The following NUBPL variants were observed in gnomAD, a reference collection of about 807,000 sequenced individuals.
NUBPL encodes the protein iron-sulfur cluster transfer protein NUBPL.
Under a neutral mutation model 45.7 loss-of-function variants are expected in NUBPL, and 31 were observed. The observed-to-expected ratio is 0.68, with a 90% CI of 0.51 to 0.92. NUBPL has a LOEUF of 0.92. NUBPL is among the 40% of genes least tolerant of loss of function. The probability of loss-of-function intolerance (pLI) is 0.00; values close to 1 mark genes in which losing one functional copy is unlikely to be tolerated. For synonymous variants in NUBPL, 144 were observed against 140.9 expected (o/e 1.02, Z -0.15); for missense variants, 401 against 398.7 (o/e 1.01, Z -0.05).
chr14:31,586,887 A>G (rs1398897330), intron 3 of NUBPL, among the ~76,000 whole-genome samples: 1 of 152,176 alleles, frequency 6.6e-6, no homozygotes, highest in Non-Finnish European at 1.5e-5. Context: ...TGGTGATGCC[A>G]TTTTCCAAAA....
At chr14:31,666,007 T>C (rs2036401330) in intron 4 of NUBPL, among the ~76,000 whole-genome samples, 1 of 151,854 alleles carries the variant, frequency 6.6e-6, no homozygotes, top group Non-Finnish European at 1.5e-5. Context: ...TTTTGATCTT[T>C]GTTGGTTTAA....
At chr14:31,570,953 C>G (rs1165491287) in intron 3 of NUBPL, among the ~76,000 whole-genome samples, 1 of 152,236 alleles carries the variant, frequency 6.6e-6, no homozygotes, top group African/African-American at 2.4e-5. Context: ...CTCCCTTGCT[C>G]AGAGTCATAG....
intron 10 of NUBPL, among the ~76,000 whole-genome samples, chr14:31,853,694 T>G (rs1413005625): frequency 6.6e-6 from 1 of 152,224 alleles, no homozygotes; most frequent in Admixed American, 6.5e-5. Flanking sequence ...TAAAAAGTAC[T>G]AATAGTCTGC....
At chr14:31,628,751 G>A (rs562481343) in intron 4 of NUBPL, among the ~76,000 whole-genome samples, 4 of 152,268 alleles carry the variant, frequency 2.6e-5, no homozygotes, top group Non-Finnish European at 4.4e-5. Flanking sequence ...TTGTAATTCA[G>A]TATGTAGCAG....
chr14:31,834,061 C>A (rs2040234474), intron 8 of NUBPL, among the ~76,000 whole-genome samples: 1 of 151,614 alleles, frequency 6.6e-6, no homozygotes, highest in Non-Finnish European at 1.5e-5. Flanking sequence ...AATTGTATAA[C>A]TATTTTACTC....
At chr14:31,817,788 A>G (rs1189047517) in intron 7 of NUBPL, among the ~76,000 whole-genome samples, 1 of 152,204 alleles carries the variant, frequency 6.6e-6, no homozygotes, top group Non-Finnish European at 1.5e-5. Flanking sequence ...TCATAATGAC[A>G]GCATCAAATT....
chr14:31,714,806 A>G (rs989156141), intron 6 of NUBPL: 7 of 152,246 alleles, frequency 4.6e-5, no homozygotes, highest in Non-Finnish European at 7.3e-5. Context: ...TTAAAAAAGT[A>G]AATAATAAAT....
intron 3 of NUBPL, among the ~76,000 whole-genome samples, chr14:31,585,497 T>C (rs2033972376): frequency 6.6e-6 from 1 of 152,240 alleles, no homozygotes; most frequent in Non-Finnish European, 1.5e-5. Context: ...TGACTCATGC[T>C]GCTATGAACA....
chr14:31,822,834 T>C (rs1168448919), intron 7 of NUBPL, among the ~76,000 whole-genome samples: 1 of 152,144 alleles, frequency 6.6e-6, no homozygotes, highest in African/African-American at 2.4e-5. Context: ...TTTGTTCGAA[T>C]GGTGCTATTC....
intron 4 of NUBPL, among the ~76,000 whole-genome samples, chr14:31,649,115 T>G (rs1194377727): frequency 6.6e-6 from 1 of 152,166 alleles, no homozygotes; most frequent in Non-Finnish European, 1.5e-5. Context: ...GGCCCCAAGT[T>G]TTGTTTTTTT....
rs8019399 is a variant in NUBPL at position 31,660,410 on chromosome 14, C to T, written c.383-12945C>T. 2.0e-3 allele frequency among the ~76,000 whole-genome samples: 308 copies of T among 152,180 alleles called. 1 individual carries two copies. The highest frequency in any genetic ancestry group is 2.8e-3 in the Non-Finnish European group (191 of 68,002). On this transcript the variant is annotated intron_variant, in intron 4 of 10. Coordinates refer to ENST00000281081, the MANE Select transcript of NUBPL (RefSeq NM_025152.3). Reference sequence around the variant, plus strand: ...GCGTCTGATTTCTCATTAGAAAGGACCTTGGTTTCAGAAAGGAAGGACTAG... The same window carrying T: ...GCGTCTGATTTCTCATTAGAAAGGATCTTGGTTTCAGAAAGGAAGGACTAG...
intron 6 of NUBPL, among the ~76,000 whole-genome samples, chr14:31,677,099 T>G (rs921786685): frequency 1.4e-4 from 22 of 152,178 alleles, no homozygotes; most frequent in African/African-American, 4.3e-4. Context: ...TGAGATATTT[T>G]GATACAGACA....
At chr14:31,586,668 A>G (rs1486906830) in intron 3 of NUBPL, among the ~76,000 whole-genome samples, 1 of 152,178 alleles carries the variant, frequency 6.6e-6, no homozygotes, top group African/African-American at 2.4e-5. Flanking sequence ...TTCACTGATC[A>G]GGATTGGATC....
At chr14:31,573,468 A>G (rs1387776772) in intron 3 of NUBPL, among the ~76,000 whole-genome samples, 1 of 152,160 alleles carries the variant, frequency 6.6e-6, no homozygotes, top group Non-Finnish European at 1.5e-5. Flanking sequence ...TGAATGCTTT[A>G]TAAGCATTTC....
At chr14:31,587,141 AT>A (rs2034015760) in intron 3 of NUBPL, among the ~76,000 whole-genome samples, 2 of 152,244 alleles carry the variant, frequency 1.3e-5, no homozygotes, top group East Asian at 3.9e-4. Context: ...GGGAATTGGT[AT>A]TTTTAGGTCT....
chr14:31,840,367 A>C (rs902756069), intron 8 of NUBPL, among the ~76,000 whole-genome samples: 1 of 152,102 alleles, frequency 6.6e-6, no homozygotes, highest in African/African-American at 2.4e-5. Context: ...AGGTCAGGAG[A>C]TCGAGACCAT....
Position 31,673,282 on chromosome 14 carries a change from A to G in NUBPL, c.383-73A>G. The stretch of plus-strand genomic sequence containing the variant: ...TTAAAAAAATTTTTAAAAAGATGAA[A>G]AAAAAACCCAATTCAGAATGTTTAT... On this transcript the variant is annotated intron_variant, in intron 4 of 10. Transcript: ENST00000281081. 5.8e-6 allele frequency: 8 copies of G among 1,368,570 alleles called. No homozygotes were observed. The African/African-American group carries it at 7.4e-5, about 13-fold the overall frequency. 84.8% of individuals were successfully genotyped at this position (1,368,570 alleles called of 1,614,324 possible). A position where few individuals can be genotyped will look rare whatever the true frequency, so the allele number is the denominator to read the frequency against.
chr14:31,813,242 C>G (rs2039847934), intron 7 of NUBPL, among the ~76,000 whole-genome samples: 1 of 152,014 alleles, frequency 6.6e-6, no homozygotes, highest in Non-Finnish European at 1.5e-5. Context: ...CTTCCTCGGC[C>G]TCCCGAAGTG....
At chr14:31,831,066 G>A (rs1209082440) in intron 8 of NUBPL, among the ~76,000 whole-genome samples, 1 of 129,730 alleles carries the variant, frequency 7.7e-6, no homozygotes, top group Non-Finnish European at 1.8e-5. Context: ...ATTTTTTTGA[G>A]ACAGTCTCGC....
Sources: gnomAD v4.1 joint callset for allele counts (sites outside exome capture counted in the v4.1 genomes callset) on GRCh38, gnomAD v4.1.1 for gene constraint, MANE v1.5 for transcripts, NCBI Gene and HGNC (gene_info 2026-07-23, HGNC 2026-07-21) for gene names.